MILR1: variants seen among roughly 807,000 people sequenced by gnomAD.
MILR1 encodes allergin-1.
A neutral mutation model predicts 18.5 loss-of-function variants in MILR1; 31 were observed. That is an observed-to-expected ratio of 1.68 (90% CI 1.26 to 2.26). The LOEUF is 2.26. MILR1 is among the 30% of genes most tolerant of loss of function. MILR1 has a pLI of 0.00. For synonymous variants in MILR1, 85 were observed against 56.2 expected (o/e 1.51, Z -2.30); for missense variants, 257 against 157.4 (o/e 1.63, Z -3.38).
intron 8 of MILR1, among the ~76,000 whole-genome samples, chr17:64,466,973 CTT>C (rs1350859074): frequency 1.3e-5 from 2 of 151,852 alleles, no homozygotes; most frequent in African/African-American, 2.4e-5. Flanking sequence ...CCCTCTCTCT[CTT>C]TCTTTCTTTC....
At chr17:64,464,838 C>A (rs928302009) in intron 5 of MILR1, among the ~76,000 whole-genome samples, 29 of 152,216 alleles carry the variant, frequency 1.9e-4, no homozygotes, top group Non-Finnish European at 1.0e-4. Flanking sequence ...GCAGGAGAAT[C>A]GCTTGAAACC....
chr17:64,464,960 C>A (rs1334170944), intron 5 of MILR1, among the ~76,000 whole-genome samples: 1 of 148,666 alleles, frequency 6.7e-6, no homozygotes, highest in Non-Finnish European at 1.5e-5. Context: ...TGGTGGTGCA[C>A]AACTGTAATC....
At chr17:64,461,937 AT>A (rs1258875196) in intron 5 of MILR1, among the ~76,000 whole-genome samples, 3 of 152,148 alleles carry the variant, frequency 2.0e-5, no homozygotes, top group African/African-American at 7.2e-5. Flanking sequence ...ATGTGTCAGA[AT>A]TTCCTTCCTT....
chr17:64,473,440 A>G (rs561507995), downstream of MILR1, among the ~76,000 whole-genome samples: 7 of 152,204 alleles, frequency 4.6e-5, no homozygotes, highest in South Asian at 6.2e-4. Context: ...GGAATCATCA[A>G]CAGTGGATTT....
At position 64,467,610 on chromosome 17, in the gene MILR1, A is replaced by C; in HGVS notation, c.1025A>C (p.Asn342Thr). The C allele has an allele frequency of 6.4e-7, 1 of 1,564,560 alleles. No homozygotes were observed. Residue 342 changes from asparagine to threonine, a missense_variant, in exon 9 of 10, where the codon AAC becomes ACC. Transcript: ENST00000619286. ...YKSGYVYSEL[N>T]F The stretch of plus-strand genomic sequence containing the variant: ...TCTGGATATGTCTATTCTGAACTCA[A>C]CTTCTGAAATTTACAGAAACAAACT...
the MILR1 span, among the ~76,000 whole-genome samples, chr17:64,484,505 G>A: frequency 6.6e-6 from 1 of 152,140 alleles, no homozygotes; most frequent in Non-Finnish European, 1.5e-5. Flanking sequence ...GGAGTGTTCT[G>A]AGCAAAGGAG....
intron 6 of MILR1, among the ~76,000 whole-genome samples, 188 bp from the exon 7 acceptor site, chr17:64,466,254 G>T (rs1249292186): frequency 6.6e-6 from 1 of 152,222 alleles, no homozygotes; most frequent in Non-Finnish European, 1.5e-5. Flanking sequence ...CCCATGAGAT[G>T]TGGGGATTAT....
At chr17:64,453,960 C>T (rs952205299) in intron 3 of MILR1, among the ~76,000 whole-genome samples, 8 of 151,964 alleles carry the variant, frequency 5.3e-5, no homozygotes, top group Non-Finnish European at 7.4e-5. Flanking sequence ...GATGGAGTCT[C>T]GCCCTGTCAC....
the MILR1 span, chr17:64,478,103 T>C: frequency 9.2e-7 from 1 of 1,085,774 alleles, no homozygotes; most frequent in Admixed American, 2.3e-5. Context: ...GACTCAGGGC[T>C]TAAGGGTGGA....
the MILR1 span, chr17:64,477,738 G>C: frequency 7.2e-7 from 1 of 1,379,726 alleles, no homozygotes; most frequent in East Asian, 2.5e-5. Flanking sequence ...CACTTTATAA[G>C]TGCAAAGGGG....
At chr17:64,474,997 C>T in the MILR1 span, among the ~76,000 whole-genome samples, 1 of 151,934 alleles carries the variant, frequency 6.6e-6, no homozygotes, top group African/African-American at 2.4e-5. Flanking sequence ...AGTTCAAGAC[C>T]AGCCTGGCCA....
chr17:64,452,971 G>A lies in MILR1; in HGVS notation c.367+105G>A, dbSNP rs915456875. 113 of 422,644 alleles carry A rather than the reference G, an allele frequency of 2.7e-4. 1 individual carries two copies. Among genetic ancestry groups the A allele is most frequent in the Non-Finnish European group, 3.9e-4 (90 of 231,608 alleles). 26.2% of individuals were successfully genotyped at this position (422,644 alleles called of 1,614,324 possible). A position where few individuals can be genotyped will look rare whatever the true frequency, so the allele number is the denominator to read the frequency against. On this transcript the variant is annotated intron_variant, in intron 3 of 9. Transcript: ENST00000619286. ...TTGTGAACACTTAAGAACCTGGAAA[G>A]TATGTTACTGCGAGCTTTATTCTTT...
chr17:64,469,542 C>T (rs1342814749), downstream of MILR1, among the ~76,000 whole-genome samples: 5 of 152,194 alleles, frequency 3.3e-5, no homozygotes, highest in Non-Finnish European at 5.9e-5. Context: ...GCATTATAGG[C>T]GTGTGCCACC....
the MILR1 span, among the ~76,000 whole-genome samples, chr17:64,479,714 T>C: frequency 6.6e-6 from 1 of 152,104 alleles, no homozygotes; most frequent in Non-Finnish European, 1.5e-5. Flanking sequence ...TGACTCTAAC[T>C]TGGGTAGTGG....
At chr17:64,477,816 TA>T in the MILR1 span, 1 of 1,562,004 alleles carries the variant, frequency 6.4e-7, no homozygotes, top group African/African-American at 1.4e-5. Context: ...TATACAAATA[TA>T]AAAATCTATA....
the MILR1 span, among the ~76,000 whole-genome samples, chr17:64,494,121 A>G: frequency 1.3e-5 from 2 of 152,156 alleles, no homozygotes; most frequent in Non-Finnish European, 2.9e-5. Flanking sequence ...ATCCATTTGA[A>G]TCTAGAACAT....
In MILR1 at chr17:64,467,593, T is replaced by G; in HGVS notation, c.1008T>G (p.Tyr336Ter). 6.4e-7 allele frequency: 1 copy of G among 1,560,596 alleles called. No individual in the cohort carries two copies. Among genetic ancestry groups the G allele is most frequent in the Non-Finnish European group, 8.7e-7 (1 of 1,142,876 alleles). Residue 336 changes from tyrosine to a stop codon, truncating the protein, a stop_gained, in exon 9 of 10, where the codon TAT (tyrosine) becomes TAG (stop). Transcript: ENST00000619286. LOFTEE classifies it high-confidence loss of function. ...CCTGTGATTCTTATAAATCTGGATA[T>G]GTCTATTCTGAACTCAACTTCTGAA... ...QEACDSYKSG[Y>*]VYSELNF
At chr17:64,469,490 C>T (rs782402538), downstream of MILR1, among the ~76,000 whole-genome samples, 1 of 152,172 alleles carries the variant, frequency 6.6e-6, no homozygotes, top group African/African-American at 2.4e-5. Context: ...CTCCGCCTCC[C>T]GGATTAAAGC....
intron 5 of MILR1, among the ~76,000 whole-genome samples, chr17:64,464,992 G>T (rs1598102245): frequency 6.6e-6 from 1 of 152,186 alleles, no homozygotes; most frequent in East Asian, 1.9e-4. Context: ...GGAGGCTGAG[G>T]CAGGAAAATC....
Sources: gnomAD v4.1 joint callset for allele counts (sites outside exome capture counted in the v4.1 genomes callset) on GRCh38, gnomAD v4.1.1 for gene constraint, MANE v1.5 for transcripts, NCBI Gene and HGNC (gene_info 2026-07-23, HGNC 2026-07-21) for gene names.